The following JMJD1C variants were observed in gnomAD, a reference collection of about 807,000 sequenced individuals.
The protein encoded by JMJD1C is jumonji domain-containing protein 1C.
A neutral mutation model predicts 245.3 loss-of-function variants in JMJD1C; 31 were observed. The ratio of observed to expected loss-of-function variants is 0.13; its 90% CI spans 0.09 to 0.17. JMJD1C has a LOEUF of 0.17. JMJD1C is among the 10% of genes least tolerant of loss of function. The pLI is 1.00. For synonymous variants in JMJD1C, 1,057 were observed against 1,017.4 expected (o/e 1.04, Z -0.74); for missense variants, 2,691 against 3,000.2 (o/e 0.90, Z 2.41).
intron 3 of JMJD1C, among the ~76,000 whole-genome samples, chr10:63,248,906 A>C (rs1852658586): frequency 6.6e-6 from 1 of 152,250 alleles, no homozygotes; most frequent in African/African-American, 2.4e-5. Context: ...AAAAAGAATG[A>C]AAACTTGTTA....
At chr10:63,505,668 ATGTT>A (rs1209520500) in intron 1 of JMJD1C, among the ~76,000 whole-genome samples, 1 of 152,068 alleles carries the variant, frequency 6.6e-6, no homozygotes, top group Non-Finnish European at 1.5e-5. Context: ...GGAACTGAGA[ATGTT>A]TGTTCAAGAA....
At chr10:63,465,116 G>A (rs1256068610) in intron 1 of JMJD1C, 2 of 259,656 alleles carry the variant, frequency 7.7e-6, no homozygotes, top group Non-Finnish European at 1.5e-5. Context: ...CTGGCCGCCT[G>A]TCGCCATGAG....
At chr10:63,513,732 GAAACCCCGTCTCTACTAAAAATACAAAAA>G (rs1198512698) in intron 1 of JMJD1C, among the ~76,000 whole-genome samples, 2 of 152,036 alleles carry the variant, frequency 1.3e-5, no homozygotes, top group African/African-American at 4.8e-5. Flanking sequence ...CTAACACAGG[GAAACCCCGTCTCTACTAAAAATACAAAAA>G]AATTAGCCGG....
intron 1 of JMJD1C, among the ~76,000 whole-genome samples, chr10:63,460,796 T>G (rs1425003072): frequency 6.6e-6 from 1 of 152,184 alleles, no homozygotes; most frequent in Admixed American, 6.5e-5. Context: ...CTAGTTAACA[T>G]TTTTACTTTC....
At chr10:63,437,031 A>G (rs1157805639) in intron 1 of JMJD1C, among the ~76,000 whole-genome samples, 1 of 152,148 alleles carries the variant, frequency 6.6e-6, no homozygotes, top group African/African-American at 2.4e-5. Context: ...TCCTAGGTCT[A>G]TCATTAGAGT....
intron 1 of JMJD1C, among the ~76,000 whole-genome samples, chr10:63,426,011 CATT>C (rs1340778643): frequency 2.6e-5 from 4 of 152,102 alleles, no homozygotes; most frequent in African/African-American, 9.7e-5. Context: ...TTTTTGTAGG[CATT>C]ATTTTTCTAT....
chr10:63,272,235 C>T (rs879056296), intron 2 of JMJD1C, among the ~76,000 whole-genome samples: 2 of 152,060 alleles, frequency 1.3e-5, no homozygotes, highest in Non-Finnish European at 2.9e-5. Context: ...TTGTGTAGAA[C>T]ATGCATGATC....
intron 1 of JMJD1C, among the ~76,000 whole-genome samples, chr10:63,425,322 T>C (rs898587311): frequency 6.6e-6 from 1 of 152,100 alleles, no homozygotes; most frequent in Non-Finnish European, 1.5e-5. Context: ...AGCCAAAATT[T>C]TTAGGTGAAT....
chr10:63,292,144 A>ATTTTTTTTCTTTTTTTTTTTTTTTTTT, intron 2 of JMJD1C, among the ~76,000 whole-genome samples: 1 of 56,326 alleles, frequency 1.8e-5, no homozygotes, highest in Non-Finnish European at 3.2e-5. Flanking sequence ...GTAGAGACAG[A>ATTTTTTTTCTTTTTTTTTTTTTTTTTT]TTTTTTTTTT....
At chr10:63,208,835 A>T in intron 9 of JMJD1C, 34 bp from the exon 10 acceptor site, 2 of 1,504,384 alleles carry the variant, frequency 1.3e-6, no homozygotes, top group Non-Finnish European at 8.9e-7. Context: ...TTCTGTAACC[A>T]CTTTTTCCTG....
intron 2 of JMJD1C, among the ~76,000 whole-genome samples, chr10:63,376,592 T>A (rs970023924): frequency 3.3e-5 from 5 of 151,732 alleles, no homozygotes; most frequent in Non-Finnish European, 5.9e-5. Flanking sequence ...AAACAAATGA[T>A]CCAATTCAAA....
chr10:63,411,402 G>GA (rs988626517), intron 1 of JMJD1C, among the ~76,000 whole-genome samples: 1 of 150,022 alleles, frequency 6.7e-6, no homozygotes, highest in African/African-American at 2.5e-5. Flanking sequence ...GGGGTCAAGC[G>GA]ATTCTCCTGC....
intron 2 of JMJD1C, among the ~76,000 whole-genome samples, chr10:63,354,394 T>C (rs957000811): frequency 6.6e-6 from 1 of 152,216 alleles, no homozygotes; most frequent in African/African-American, 2.4e-5. Flanking sequence ...TTTATGAATG[T>C]ACTGTATTAT....
chr10:63,249,590 GTGGATCATGCC>G (rs1852760792), intron 3 of JMJD1C, among the ~76,000 whole-genome samples: 1 of 152,172 alleles, frequency 6.6e-6, no homozygotes, highest in Admixed American at 6.5e-5. Context: ...GCCGGGCACA[GTGGATCATGCC>G]TGTAATCCCA....
intron 2 of JMJD1C, among the ~76,000 whole-genome samples, chr10:63,303,252 G>C (rs1860311172): frequency 6.6e-6 from 1 of 152,092 alleles, no homozygotes; most frequent in African/African-American, 2.4e-5. Context: ...ACTCATTGAG[G>C]GAAGAGAGGC....
At chr10:63,456,841 A>C (rs1231732901) in intron 1 of JMJD1C, among the ~76,000 whole-genome samples, 2 of 152,166 alleles carry the variant, frequency 1.3e-5, no homozygotes, top group Non-Finnish European at 2.9e-5. Flanking sequence ...TAGTGATACT[A>C]ATGTAAATAA....
At chr10:63,416,857 A>C (rs1949838487) in intron 1 of JMJD1C, among the ~76,000 whole-genome samples, 1 of 152,192 alleles carries the variant, frequency 6.6e-6, no homozygotes, top group South Asian at 2.1e-4. Context: ...CTTTGGTAAA[A>C]ACTAAACAAT....
At chr10:63,373,861 CAAT>C (rs1275759865) in intron 2 of JMJD1C, among the ~76,000 whole-genome samples, 6 of 151,986 alleles carry the variant, frequency 3.9e-5, no homozygotes, top group Non-Finnish European at 8.8e-5. Flanking sequence ...AAAAAGGAAA[CAAT>C]AAAATCTCAG....
chr10:63,422,695 G>C (rs548788990), intron 1 of JMJD1C, among the ~76,000 whole-genome samples: 1 of 152,126 alleles, frequency 6.6e-6, no homozygotes, highest in African/African-American at 2.4e-5. Flanking sequence ...TATGCTTCCT[G>C]AATTTGATTA....
Sources: gnomAD v4.1 joint callset for allele counts (sites outside exome capture counted in the v4.1 genomes callset) on GRCh38, gnomAD v4.1.1 for gene constraint, MANE v1.5 for transcripts, NCBI Gene and HGNC (gene_info 2026-07-23, HGNC 2026-07-21) for gene names.